Variants in FRMPD2 observed in about 807,000 individuals in gnomAD.
The protein encoded by FRMPD2 is FERM and PDZ domain-containing protein 2.
FRMPD2 carries 96 observed loss-of-function variants against 140.1 expected under a neutral mutation model. The ratio of observed to expected loss-of-function variants is 0.69; its 90% CI spans 0.58 to 0.81. The LOEUF is 0.81. Among genes scored for constraint, FRMPD2 ranks in the 40% least tolerant of loss-of-function variants. The probability of loss-of-function intolerance (pLI) is 0.00; values close to 1 mark genes in which losing one functional copy is unlikely to be tolerated. For missense variants in FRMPD2, 1,240 were observed against 1,447.4 expected, an observed-to-expected ratio of 0.86 and a Z score of 2.32; for synonymous variants, 449 against 547.6, an observed-to-expected ratio of 0.82 and a Z score of 2.52.
At chr10:48,260,765 AC>A (rs1209077486) in intron 1 of FRMPD2, among the ~76,000 whole-genome samples, 1 of 152,178 alleles carries the variant, frequency 6.6e-6, no homozygotes, top group Non-Finnish European at 1.5e-5. Context: ...TATAAAAACA[AC>A]AAAAAACTCA....
intron 25 of FRMPD2, among the ~76,000 whole-genome samples, chr10:48,172,584 T>TA (rs1361001113): frequency 6.6e-6 from 1 of 151,666 alleles, no homozygotes; most frequent in African/African-American, 2.4e-5. Context: ...ATAACTTTGT[T>TA]ACAAATGACT....
chr10:48,217,141 C>A (rs1490432124), intron 12 of FRMPD2, among the ~76,000 whole-genome samples: 2 of 152,200 alleles, frequency 1.3e-5, no homozygotes, highest in Non-Finnish European at 2.9e-5. Context: ...GACAAGCCAG[C>A]TGCTGATGTT....
intron 9 of FRMPD2, among the ~76,000 whole-genome samples, chr10:48,236,218 A>T (rs1413742025): frequency 6.6e-6 from 1 of 152,008 alleles, no homozygotes; most frequent in East Asian, 1.9e-4. Flanking sequence ...AGTGCCTGGC[A>T]CCTGGTAGAT....
At position 48,232,099 on chromosome 10, in the gene FRMPD2, C is replaced by A; in HGVS notation, c.1168+16G>T. The stretch of plus-strand genomic sequence containing the variant: ...GAGGCACCAGGCCAGCTGTGAGCTG[C>A]CCAAGAGATGCTTACTTTTCATATA... On this transcript the variant is annotated intron_variant, in intron 10 of 28. Coordinates refer to ENST00000374201, the MANE Select transcript of FRMPD2 (RefSeq NM_001018071.4). 1 of 1,612,004 alleles carries A rather than the reference C, an allele frequency of 6.2e-7. No homozygotes were observed. Among genetic ancestry groups the A allele is most frequent in the Non-Finnish European group, 8.5e-7 (1 of 1,178,142 alleles).
chr10:48,236,875 T>C (rs1313485654), intron 8 of FRMPD2, among the ~76,000 whole-genome samples: 1 of 152,216 alleles, frequency 6.6e-6, no homozygotes, highest in Non-Finnish European at 1.5e-5. Flanking sequence ...AAATGTATAA[T>C]ATAAATATAA....
intron 5 of FRMPD2, among the ~76,000 whole-genome samples, chr10:48,240,785 C>T (rs902556769): frequency 1.1e-4 from 16 of 152,314 alleles, no homozygotes; most frequent in Middle Eastern, 6.8e-3. Flanking sequence ...GCCCACAAGA[C>T]CCAGAGCTGT....
chr10:48,219,200 G>GGGT (rs925432806), intron 12 of FRMPD2, among the ~76,000 whole-genome samples: 4 of 151,988 alleles, frequency 2.6e-5, no homozygotes, highest in African/African-American at 9.7e-5. Context: ...TGGGGCAGAA[G>GGGT]GGTGGAGTGT....
chr10:48,200,726 A>G (rs1012261018), intron 15 of FRMPD2, among the ~76,000 whole-genome samples: 2 of 152,224 alleles, frequency 1.3e-5, no homozygotes, highest in African/African-American at 4.8e-5. Context: ...GCACCCTATC[A>G]TGTACAGTTT....
intron 24 of FRMPD2, among the ~76,000 whole-genome samples, chr10:48,173,984 C>T (rs1189023346): frequency 6.6e-6 from 1 of 152,208 alleles, no homozygotes; most frequent in Admixed American, 6.5e-5. Context: ...AGCCAAGTAC[C>T]CTCTCTACCC....
At position 48,222,346 on chromosome 10, in the gene FRMPD2, G is replaced by A. The variant is rs765110575; in HGVS notation, c.1422C>T (p.Ala474=). ...GGTAATTGCCAAACTCAGCCTGCAA[G>A]GCAAGGACCCCCAGCTGCAGCAGTA... The part of the protein sequence containing the change: ...EEILLQLGVL[A]LQAEFGNYPK... The change falls in exon 12 of 29, where the codon GCC becomes GCT. Residue 474 remains alanine (A), a synonymous_variant. Transcript: ENST00000374201. The A allele has an allele frequency of 1.4e-5, 22 of 1,614,154 alleles. No individual in the cohort carries two copies. The highest frequency in any genetic ancestry group is 1.8e-5 in the Non-Finnish European group (21 of 1,180,000).
intron 3 of FRMPD2, 84 bp from the exon 4 acceptor site, chr10:48,244,933 A>G (rs767751579): frequency 3.5e-5 from 35 of 993,388 alleles, no homozygotes; most frequent in Non-Finnish European, 5.0e-5. Flanking sequence ...TCCAATTTCC[A>G]CATGAACAGA....
At chr10:48,248,952 G>T in intron 3 of FRMPD2, 69 bp downstream of exon 3, 1 of 1,402,796 alleles carries the variant, frequency 7.1e-7, no homozygotes, top group Non-Finnish European at 9.6e-7. Flanking sequence ...GAGCTGGGGA[G>T]GCTGCCGCTG....
chr10:48,176,414 T>C (rs1330729628), intron 22 of FRMPD2: 2 of 155,214 alleles, frequency 1.3e-5, no homozygotes, highest in Non-Finnish European at 1.4e-5. Context: ...CTACCAGCTT[T>C]GTATGACAGT....
intron 12 of FRMPD2, among the ~76,000 whole-genome samples, chr10:48,215,439 C>A (rs1839423449): frequency 6.6e-6 from 1 of 152,240 alleles, no homozygotes; most frequent in Non-Finnish European, 1.5e-5. Flanking sequence ...CTCTTTCTAG[C>A]TTACCTAACC....
At chr10:48,221,608 TA>T (rs1239638984) in intron 12 of FRMPD2, among the ~76,000 whole-genome samples, 1 of 152,148 alleles carries the variant, frequency 6.6e-6, no homozygotes, top group Non-Finnish European at 1.5e-5. Context: ...TTAATATAAA[TA>T]AATTTTAAAA....
At chr10:48,248,927 G>T in intron 3 of FRMPD2, 94 bp downstream of exon 3, 1 of 1,197,942 alleles carries the variant, frequency 8.3e-7, no homozygotes, top group Non-Finnish European at 1.2e-6. Context: ...ACCAAGCTCT[G>T]CAAGGCTGAG....
chr10:48,187,420 C>G (rs1039897408), intron 16 of FRMPD2, 128 bp from the exon 17 acceptor site: 2 of 693,708 alleles, frequency 2.9e-6, no homozygotes, highest in Non-Finnish European at 5.0e-6. Context: ...GGGAGGGCAG[C>G]CTTGTGTCCA....
chr10:48,227,553 AG>A (rs35523979), intron 10 of FRMPD2, among the ~76,000 whole-genome samples: 8 of 152,222 alleles, frequency 5.3e-5, no homozygotes, highest in Admixed American at 5.2e-4. Flanking sequence ...TTGGATCTCG[AG>A]GGGGGTACTG....
intron 1 of FRMPD2, among the ~76,000 whole-genome samples, chr10:48,262,372 G>A (rs1054740167): frequency 1.3e-4 from 20 of 152,156 alleles, no homozygotes; most frequent in African/African-American, 4.8e-4. Context: ...GCAGACTTCA[G>A]AATAGAGAAA....
Sources: allele counts gnomAD v4.1 joint callset (sites outside exome capture counted in the v4.1 genomes callset), GRCh38; gene constraint gnomAD v4.1.1; transcripts MANE v1.5; gene names NCBI Gene and HGNC (gene_info 2026-07-23, HGNC 2026-07-21).